Variants in NETO1 observed in about 807,000 individuals in gnomAD.
The protein encoded by NETO1 is neuropilin and tolloid-like protein 1.
A neutral mutation model predicts 61.3 loss-of-function variants in NETO1; 26 were observed. That is an observed-to-expected ratio of 0.42 (90% confidence interval 0.31 to 0.59). The LOEUF (loss-of-function observed/expected upper bound fraction) is 0.59, where lower values mean the gene tolerates loss of function less well. Ranked by LOEUF, NETO1 falls within the 20% of genes least tolerant of loss-of-function variation. The pLI, the probability that NETO1 is intolerant of heterozygous loss-of-function variation, is 0.12. For synonymous variants in NETO1, 225 were observed against 225.8 expected, an observed-to-expected ratio of 1.00 and a Z score of 0.03; for missense variants, 531 against 662.8, an observed-to-expected ratio of 0.80 and a Z score of 2.18.
intron 10 of NETO1, among the ~76,000 whole-genome samples, chr18:72,748,551 A>G (rs896496800): frequency 6.6e-6 from 1 of 152,148 alleles, no homozygotes; most frequent in Non-Finnish European, 1.5e-5. Context: ...TTGTGTCAGT[A>G]CCAAAAATAT....
intron 7 of NETO1, among the ~76,000 whole-genome samples, chr18:72,765,403 A>G (rs373498793): frequency 2.2e-4 from 33 of 152,084 alleles, no homozygotes; most frequent in African/African-American, 8.0e-4. Flanking sequence ...GACAGACTAT[A>G]TATCACAATA....
chr18:72,793,187 G>T (rs1290564695), intron 6 of NETO1, among the ~76,000 whole-genome samples: 1 of 152,146 alleles, frequency 6.6e-6, no homozygotes, highest in Non-Finnish European at 1.5e-5. Flanking sequence ...TAATGAAATA[G>T]CACACAGTTT....
At chr18:72,865,507 A>G in intron 1 of NETO1, 2 of 1,547,590 alleles carry the variant, frequency 1.3e-6, no homozygotes, top group South Asian at 1.2e-5. Context: ...TAAAGGCAAC[A>G]TGTCAATTTA....
intron 4 of NETO1, among the ~76,000 whole-genome samples, chr18:72,858,350 T>A (rs988395532): frequency 7.2e-5 from 11 of 152,298 alleles, no homozygotes; most frequent in African/African-American, 2.6e-4. Flanking sequence ...AGAATTTGCT[T>A]TCCTGAAAAG....
chr18:72,847,042 A>G (rs2074111328), intron 4 of NETO1, among the ~76,000 whole-genome samples: 1 of 152,240 alleles, frequency 6.6e-6, no homozygotes, highest in African/African-American at 2.4e-5. Flanking sequence ...GTAAAACTGC[A>G]TTTCTCTCTG....
In NETO1 at chr18:72,760,203, C is replaced by A. The variant is rs139543672; in HGVS notation, c.869-4056G>T. On this transcript the variant is annotated intron_variant, in intron 7 of 10. Coordinates refer to ENST00000327305, the MANE Select transcript of NETO1 (RefSeq NM_138966.5). ...TAATGAAGCAAAATATTCTAGTCAG[C>A]CAAAATAATGTCCTGTGTATAAGCA... Among the ~76,000 whole-genome samples the A allele has an allele frequency of 1.4e-4, 21 of 152,244 alleles. No individual in the cohort carries two copies. In the East Asian group the frequency reaches 3.7e-3, roughly 27 times the overall value.
At chr18:72,749,522 T>A (rs1173018911) in intron 9 of NETO1, among the ~76,000 whole-genome samples, 1 of 152,144 alleles carries the variant, frequency 6.6e-6, no homozygotes, top group African/African-American at 2.4e-5. Flanking sequence ...TACTATCCTA[T>A]GCAATTCCTA....
intron 4 of NETO1, among the ~76,000 whole-genome samples, chr18:72,819,425 T>G (rs1356158604): frequency 6.6e-6 from 1 of 152,198 alleles, no homozygotes; most frequent in South Asian, 2.1e-4. Flanking sequence ...ATTAGTATTT[T>G]ATAATTAGAT....
Position 72,759,996 on chromosome 18 carries a change from C to T in NETO1, c.869-3849G>A, listed in dbSNP as rs114212164. On this transcript the variant is annotated intron_variant, in intron 7 of 10. Coordinates refer to ENST00000327305, the MANE Select transcript of NETO1 (RefSeq NM_138966.5). ...AATAGCAAATAGAGCTTCCCATTGA[C>T]GTTAAAACACTAAGAACATAGATGG... 3.3e-3 allele frequency among the ~76,000 whole-genome samples: 505 copies of T among 152,238 alleles called. 2 individuals are homozygous for T. The highest frequency in any genetic ancestry group is 0.011 in the African/African-American group (477 of 41,558).
intron 7 of NETO1, among the ~76,000 whole-genome samples, chr18:72,762,164 CT>C (rs36062589): frequency 0.33 from 49,079 of 147,484 alleles, 8,481 homozygotes; most frequent in Admixed American, 0.43. Context: ...TTAGAATACA[CT>C]TTTTTTTTTT....
intron 4 of NETO1, among the ~76,000 whole-genome samples, chr18:72,846,504 CAAAAAAAAAAAA>C (rs35252443): frequency 0.021 from 269 of 12,996 alleles, 4 homozygotes; most frequent in African/African-American, 0.063. Context: ...GACTTCATCT[CAAAAAAAAAAAA>C]AAAAAAAAAA....
intron 4 of NETO1, among the ~76,000 whole-genome samples, chr18:72,824,115 T>G (rs1485720921): frequency 6.6e-6 from 1 of 152,224 alleles, no homozygotes; most frequent in Non-Finnish European, 1.5e-5. Flanking sequence ...GTAATAATGT[T>G]TACTCATCCA....
chr18:72,823,236 A>G (rs888184358), intron 4 of NETO1, among the ~76,000 whole-genome samples: 1 of 152,226 alleles, frequency 6.6e-6, no homozygotes, highest in Non-Finnish European at 1.5e-5. Flanking sequence ...CATGGCATTA[A>G]TAGTCTGGTA....
intron 4 of NETO1, among the ~76,000 whole-genome samples, chr18:72,851,734 G>GT (rs2074256088): frequency 1.3e-5 from 2 of 152,158 alleles, no homozygotes; most frequent in Non-Finnish European, 2.9e-5. Context: ...TTAAAATCAT[G>GT]TATCAGTTAA....
rs939563117 is a variant in NETO1, at chr18:72,828,302, C to T, written c.469+30524G>A. On this transcript the variant is annotated intron_variant, in intron 4 of 10. Transcript: ENST00000327305. ...CTCCATCCTGGGCAATAGAAGAAGA[C>T]TGCATCTCAAGAAAAAAAAAAAGCA... 4.6e-5 allele frequency among the ~76,000 whole-genome samples: 7 copies of T among 152,008 alleles called. No homozygotes were observed. In the East Asian group the frequency reaches 1.4e-3, roughly 29 times the overall value.
At chr18:72,751,078 AT>A (rs1433142461) in intron 8 of NETO1, among the ~76,000 whole-genome samples, 5 of 45,332 alleles carry the variant, frequency 1.1e-4, no homozygotes, top group South Asian at 6.0e-4. Flanking sequence ...CACACACACA[AT>A]CTATCTATAA....
chr18:72,752,446 G>A (rs779866580), intron 8 of NETO1, among the ~76,000 whole-genome samples: 3 of 152,126 alleles, frequency 2.0e-5, no homozygotes, highest in African/African-American at 4.8e-5. Context: ...AGTCCAAGGC[G>A]GTGGCCTCTG....
At chr18:72,786,999 C>T (rs1345205067) in intron 6 of NETO1, among the ~76,000 whole-genome samples, 1 of 150,354 alleles carries the variant, frequency 6.7e-6, no homozygotes, top group Admixed American at 6.6e-5. Flanking sequence ...AATGTGGAAA[C>T]CTTAAAAAGG....
intron 6 of NETO1, among the ~76,000 whole-genome samples, chr18:72,792,861 T>C (rs1313747487): frequency 1.3e-5 from 2 of 152,016 alleles, no homozygotes; most frequent in Non-Finnish European, 2.9e-5. Context: ...TGTGATTCCA[T>C]GGCCTCATAG....
Sources: allele counts gnomAD v4.1 joint callset (sites outside exome capture counted in the v4.1 genomes callset), GRCh38; gene constraint gnomAD v4.1.1; transcripts MANE v1.5; gene names NCBI Gene and HGNC (gene_info 2026-07-23, HGNC 2026-07-21).